Variants in CDC73 observed in about 807,000 individuals in gnomAD.
The protein encoded by CDC73 is cell division cycle 73.
Under a neutral mutation model 83.7 loss-of-function variants are expected in CDC73, and 21 were observed. That is an observed-to-expected ratio of 0.25 (90% CI 0.18 to 0.36). The LOEUF is 0.36. CDC73 is among the 10% of genes least tolerant of loss of function. CDC73 has a pLI of 1.00. For synonymous variants in CDC73, 224 were observed against 212.9 expected (o/e 1.05, Z -0.45); for missense variants, 342 against 653.3 (o/e 0.52, Z 5.19).
intron 10 of CDC73, among the ~76,000 whole-genome samples, chr1:193,182,659 A>G (rs945638669): frequency 3.3e-5 from 5 of 152,158 alleles, no homozygotes; most frequent in African/African-American, 1.2e-4. Flanking sequence ...TGAGATGGCA[A>G]TATGTGAGGT....
At position 193,147,855 on chromosome 1, in the gene CDC73, T is replaced by G; in HGVS notation, c.730-12T>G. 1.4e-6 allele frequency: 2 copies of G among 1,442,940 alleles called. No individual in the cohort carries two copies. The highest frequency in any genetic ancestry group is 1.2e-5 in the South Asian group (1 of 85,532). 89.4% of individuals were successfully genotyped at this position (1,442,940 alleles called of 1,614,324 possible). On this transcript the variant is annotated splice_polypyrimidine_tract_variant and intron_variant, in intron 7 of 16. Coordinates refer to ENST00000367435, the MANE Select transcript of CDC73 (RefSeq NM_024529.5). Reference sequence around the variant, plus strand: ...TTAAAGTGGGCTTAATTAAAATCCATTTATATTTTAGAATTTTTCCAAGAA... The same window carrying G: ...TTAAAGTGGGCTTAATTAAAATCCAGTTATATTTTAGAATTTTTCCAAGAA...
At chr1:193,182,159 T>C (rs994650253) in intron 10 of CDC73, among the ~76,000 whole-genome samples, 5 of 152,050 alleles carry the variant, frequency 3.3e-5, no homozygotes, top group African/African-American at 4.8e-5. Flanking sequence ...CGGTGCAAGG[T>C]TGATTATGGC....
intron 1 of CDC73, among the ~76,000 whole-genome samples, chr1:193,122,840 C>T (rs1478838214): frequency 6.6e-6 from 1 of 151,962 alleles, no homozygotes; most frequent in East Asian, 1.9e-4. Context: ...GGGAATCAAC[C>T]CTGAAGTTAG....
At chr1:193,141,749 T>C in intron 6 of CDC73, 101 bp from the exon 7 acceptor site, 1 of 758,374 alleles carries the variant, frequency 1.3e-6, no homozygotes, top group South Asian at 1.6e-5. Flanking sequence ...ATTATTGCCA[T>C]GTAAGTGTTT....
chr1:193,249,637 T>G, intron 15 of CDC73, 93 bp from the exon 16 acceptor site: 5 of 927,694 alleles, frequency 5.4e-6, no homozygotes, highest in Non-Finnish European at 8.6e-6. Context: ...ATCACTTTAG[T>G]TATAATACGG....
chr1:193,226,548 G>C (rs566613959), intron 13 of CDC73, among the ~76,000 whole-genome samples: 2 of 152,138 alleles, frequency 1.3e-5, no homozygotes, highest in Non-Finnish European at 2.9e-5. Flanking sequence ...GATGTTGTCA[G>C]ATGCTTTTTC....
intron 10 of CDC73, among the ~76,000 whole-genome samples, chr1:193,159,651 C>T (rs557330913): frequency 1.2e-4 from 19 of 152,286 alleles, no homozygotes; most frequent in African/African-American, 3.9e-4. Flanking sequence ...CGTGAGCCAC[C>T]GTGCCCGGCC....
intron 10 of CDC73, among the ~76,000 whole-genome samples, chr1:193,174,489 C>G (rs536234516): frequency 6.6e-6 from 1 of 151,998 alleles, no homozygotes; most frequent in Non-Finnish European, 1.5e-5. Flanking sequence ...AATCTGAAGC[C>G]TATGTTATAC....
intron 10 of CDC73, among the ~76,000 whole-genome samples, chr1:193,182,889 A>G (rs72722413): frequency 1.8e-4 from 27 of 152,202 alleles, no homozygotes; most frequent in Non-Finnish European, 3.1e-4. Flanking sequence ...ATGTAATTTT[A>G]ATTTTTCCAA....
At chr1:193,181,686 T>A in intron 10 of CDC73, 1 of 971,544 alleles carries the variant, frequency 1.0e-6, no homozygotes. Flanking sequence ...AGTCATTCTA[T>A]AAAAATGAAG....
chr1:193,208,854 C>G (rs1341354976), intron 11 of CDC73, among the ~76,000 whole-genome samples: 1 of 152,160 alleles, frequency 6.6e-6, no homozygotes, highest in Non-Finnish European at 1.5e-5. Flanking sequence ...ATTCCTACCT[C>G]TTATCTGAAC....
intron 10 of CDC73, among the ~76,000 whole-genome samples, chr1:193,196,204 G>A (rs6682904): frequency 0.087 from 13,234 of 152,100 alleles, 948 homozygotes; most frequent in African/African-American, 0.2. Flanking sequence ...GTCCTTTTGC[G>A]TGTGGCTATC....
chr1:193,250,924 G>T lies in CDC73; in HGVS notation c.*212G>T, dbSNP rs1274796293. On this transcript the variant is annotated 3_prime_UTR_variant, in exon 17 of 17. Coordinates refer to ENST00000367435, the MANE Select transcript of CDC73 (RefSeq NM_024529.5). ...AGCCTTCTAGTCTGTAATGGAAATT[G>T]TATATTTTGATAGAAGTTTTTTCTC... 9.4e-6 allele frequency: 5 copies of T among 529,998 alleles called. No individual in the cohort carries two copies. Among genetic ancestry groups the T allele is most frequent in the Non-Finnish European group, 1.7e-5 (5 of 295,924 alleles). The allele number at this position is 529,998 out of a possible 1,614,324, so 32.8% of individuals were successfully genotyped here. A position where few individuals can be genotyped will look rare whatever the true frequency, so the allele number is the denominator to read the frequency against.
chr1:193,148,080 C>A (rs902586584), intron 8 of CDC73, 115 bp downstream of exon 8: 2 of 761,562 alleles, frequency 2.6e-6, no homozygotes, highest in Non-Finnish European at 4.7e-6. Context: ...AAACCTTTTG[C>A]TCCTTTAGCA....
At chr1:193,188,023 TACTTAAA>T (rs1676849875) in intron 10 of CDC73, among the ~76,000 whole-genome samples, 1 of 152,224 alleles carries the variant, frequency 6.6e-6, no homozygotes, top group Non-Finnish European at 1.5e-5. Context: ...CTTAAGAACT[TACTTAAA>T]ATAACTTATT....
chr1:193,142,528 A>G (rs900679102), intron 7 of CDC73, among the ~76,000 whole-genome samples: 3 of 152,010 alleles, frequency 2.0e-5, no homozygotes, highest in South Asian at 2.1e-4. Context: ...CAGTTTTTTC[A>G]TTAGCTCCCT....
At chr1:193,183,965 C>A (rs749403368) in intron 10 of CDC73, among the ~76,000 whole-genome samples, 1 of 151,628 alleles carries the variant, frequency 6.6e-6, no homozygotes, top group Non-Finnish European at 1.5e-5. Context: ...GGAAAATAAT[C>A]ATAATTTATG....
At chr1:193,170,451 G>A (rs760897361) in intron 10 of CDC73, among the ~76,000 whole-genome samples, 24 of 152,004 alleles carry the variant, frequency 1.6e-4, no homozygotes, top group Non-Finnish European at 2.5e-4. Context: ...AACTTTGCCA[G>A]CATCTTGTTT....
At chr1:193,137,517 G>A (rs2103123334) in intron 5 of CDC73, among the ~76,000 whole-genome samples, 1 of 152,276 alleles carries the variant, frequency 6.6e-6, no homozygotes, top group Middle Eastern at 3.4e-3. Flanking sequence ...CATAATATGT[G>A]AATTAGATAA....
Sources: gnomAD v4.1 joint callset for allele counts (sites outside exome capture counted in the v4.1 genomes callset) on GRCh38, gnomAD v4.1.1 for gene constraint, MANE v1.5 for transcripts, NCBI Gene and HGNC (gene_info 2026-07-23, HGNC 2026-07-21) for gene names.